The following CMSS1 variants were observed in gnomAD, a reference collection of about 807,000 sequenced individuals.
CMSS1 encodes protein CMSS1.
In CMSS1, 33 loss-of-function variants were observed where a neutral mutation model predicts 43.5. The ratio of observed to expected loss-of-function variants is 0.76; its 90% CI spans 0.57 to 1.01. The LOEUF (loss-of-function observed/expected upper bound fraction) is 1.01. Ranked by LOEUF, CMSS1 falls within the 50% of genes least tolerant of loss-of-function variation. The pLI, the probability that CMSS1 is intolerant of heterozygous loss-of-function variation, is 0.00. For synonymous variants in CMSS1, 115 were observed against 117.2 expected (o/e 0.98, Z 0.12); for missense variants, 313 against 326.4 (o/e 0.96, Z 0.32).
At chr3:100,054,806 CCTCTCTCTCACCATCACTGGTGT>C (rs980207646) in intron 1 of CMSS1, among the ~76,000 whole-genome samples, 70 of 152,136 alleles carry the variant, frequency 4.6e-4, no homozygotes, top group African/African-American at 1.7e-3. Context: ...AACCTTGCCC[CCTCTCTCTCACCATCACTGGTGT>C]CACAGTTGAG....
chr3:99,963,916 A>G (rs1336095688), intron 1 of CMSS1, among the ~76,000 whole-genome samples: 1 of 152,148 alleles, frequency 6.6e-6, no homozygotes, highest in African/African-American at 2.4e-5. Context: ...GCGCCCAGCC[A>G]CATCCATTTG....
intron 1 of CMSS1, among the ~76,000 whole-genome samples, chr3:99,937,605 A>T (rs1419069989): frequency 6.6e-6 from 1 of 152,188 alleles, no homozygotes; most frequent in African/African-American, 2.4e-5. Context: ...TGGGTTTATT[A>T]TTCATATTTG....
intron 1 of CMSS1, among the ~76,000 whole-genome samples, chr3:99,973,334 G>A (rs891105524): frequency 6.6e-6 from 1 of 152,150 alleles, no homozygotes; most frequent in African/African-American, 2.4e-5. Flanking sequence ...GTGTGTGTAT[G>A]CAAAATTGCA....
intron 2 of CMSS1, among the ~76,000 whole-genome samples, chr3:100,152,972 C>T (rs2066934014): frequency 6.6e-6 from 1 of 152,246 alleles, no homozygotes; most frequent in South Asian, 2.1e-4. Context: ...AGTACACTCA[C>T]TCCAGATACT....
At position 99,901,132 on chromosome 3, in the gene CMSS1, A is replaced by G. The variant is rs1706422230; in HGVS notation, c.64+83089A>G. Among the ~76,000 whole-genome samples the G allele has an allele frequency of 2.0e-5, 3 of 152,256 alleles. No individual in the cohort carries two copies. In the South Asian group the frequency reaches 6.2e-4, roughly 31 times the overall value. On this transcript the variant is annotated intron_variant, in intron 1 of 9. Transcript: ENST00000421999. The stretch of plus-strand genomic sequence containing the variant: ...TTAACTTGTTATTTAATACAAATCA[A>G]GTAAGCTTTAGTATTGCTTTAAGGA...
At chr3:100,142,842 T>C (rs2066815998) in intron 1 of CMSS1, among the ~76,000 whole-genome samples, 1 of 152,186 alleles carries the variant, frequency 6.6e-6, no homozygotes, top group Admixed American at 6.5e-5. Flanking sequence ...AAGCAATAGG[T>C]ATGGGGAGTC....
intron 1 of CMSS1, among the ~76,000 whole-genome samples, chr3:99,861,331 C>G (rs974251957): frequency 1.2e-4 from 19 of 152,322 alleles, no homozygotes; most frequent in African/African-American, 4.3e-4. Context: ...CCCTGGCTGC[C>G]CTGTCCCTCT....
chr3:100,078,613 G>A (rs572803458), intron 1 of CMSS1, among the ~76,000 whole-genome samples: 3 of 152,240 alleles, frequency 2.0e-5, no homozygotes, highest in Non-Finnish European at 2.9e-5. Flanking sequence ...AATTGGCCTG[G>A]CATGGTGGCT....
chr3:99,841,235 G>A (rs1248920954), intron 1 of CMSS1, among the ~76,000 whole-genome samples: 1 of 152,186 alleles, frequency 6.6e-6, no homozygotes, highest in Non-Finnish European at 1.5e-5. Flanking sequence ...CAGAGTATAT[G>A]TACATTTGAA....
intron 1 of CMSS1, among the ~76,000 whole-genome samples, chr3:100,025,944 C>G (rs1260464139): frequency 2.0e-5 from 3 of 152,144 alleles, no homozygotes; most frequent in Admixed American, 1.3e-4. Context: ...TTGGAAAGCA[C>G]AGGTGTAGTG....
At chr3:99,932,532 A>G (rs934751632) in intron 1 of CMSS1, among the ~76,000 whole-genome samples, 1 of 151,618 alleles carries the variant, frequency 6.6e-6, no homozygotes, top group Non-Finnish European at 1.5e-5. Context: ...ATTCTTGCAC[A>G]TTTTTTTCCC....
intron 1 of CMSS1, among the ~76,000 whole-genome samples, chr3:99,876,432 A>G (rs1705529298): frequency 6.6e-6 from 1 of 152,318 alleles, no homozygotes; most frequent in South Asian, 2.1e-4. Flanking sequence ...GGGCTAACAA[A>G]GTCATTGGGA....
In CMSS1 at chr3:100,118,729, C is replaced by T. The variant is rs1042338653; in HGVS notation, c.65-28244C>T. Among the ~76,000 whole-genome samples, 11 of 152,262 alleles carry T rather than the reference C, an allele frequency of 7.2e-5. No individual in the cohort carries two copies. In the South Asian group the frequency reaches 1.5e-3, roughly 20 times the overall value. ...GTTGACCCCTAGGACAGAAACTCTT[C>T]CCCTTTCCTGTGGCCTTTCTGTCAC... On this transcript the variant is annotated intron_variant, in intron 1 of 9. Transcript: ENST00000421999.
chr3:99,860,376 T>C lies in CMSS1; in HGVS notation c.64+42333T>C, dbSNP rs137928415. On this transcript the variant is annotated intron_variant, in intron 1 of 9. Coordinates refer to ENST00000421999, the MANE Select transcript of CMSS1 (RefSeq NM_032359.4). ...AATGACCCATTAATTATAAGGAGCT[T>C]GGTAGCTTTTAGCAGAGAATCAGGA... is the stretch of plus-strand genomic sequence containing the variant. 1.4e-4 allele frequency among the ~76,000 whole-genome samples: 21 copies of C among 152,300 alleles called. No homozygotes were observed. In the South Asian group the frequency reaches 2.5e-3, roughly 18 times the overall value.
chr3:99,837,438 A>AG (rs550219311), intron 1 of CMSS1, among the ~76,000 whole-genome samples: 2 of 150,742 alleles, frequency 1.3e-5, no homozygotes, highest in South Asian at 2.1e-4. Context: ...AAGAGAAGAG[A>AG]GAAAAAAAAA....
chr3:100,042,853 A>G (rs1416422807), intron 1 of CMSS1, among the ~76,000 whole-genome samples: 2 of 152,256 alleles, frequency 1.3e-5, no homozygotes, highest in African/African-American at 4.8e-5. Flanking sequence ...CAAGAAAAAA[A>G]TGGATTGAAG....
chr3:100,162,277 C>T (rs1275211061), intron 3 of CMSS1, 26 bp from the exon 4 acceptor site: 3 of 1,599,656 alleles, frequency 1.9e-6, no homozygotes, highest in Non-Finnish European at 2.6e-6. Flanking sequence ...TATGTCGTCC[C>T]ATTTTTCTTC....
intron 8 of CMSS1, among the ~76,000 whole-genome samples, chr3:100,173,416 G>A (rs1197168006): frequency 6.6e-6 from 1 of 152,134 alleles, no homozygotes; most frequent in Non-Finnish European, 1.5e-5. Context: ...CTGAAGCTCA[G>A]AGGGTTAAGT....
chr3:99,823,278 G>C (rs980541050), intron 1 of CMSS1, among the ~76,000 whole-genome samples: 1 of 152,174 alleles, frequency 6.6e-6, no homozygotes, highest in African/African-American at 2.4e-5. Context: ...TGATCCTGGA[G>C]CTCAAAGCTT....
Sources: allele counts gnomAD v4.1 joint callset (sites outside exome capture counted in the v4.1 genomes callset), GRCh38; gene constraint gnomAD v4.1.1; transcripts MANE v1.5; gene names NCBI Gene and HGNC (gene_info 2026-07-23, HGNC 2026-07-21).